The following INSYN2B variants were observed in gnomAD, a reference collection of about 807,000 sequenced individuals.
The protein encoded by INSYN2B is inhibitory synaptic factor family member 2B.
INSYN2B carries 16 observed loss-of-function variants against 41.2 expected under a neutral mutation model. That is an observed-to-expected ratio of 0.39 (90% CI 0.26 to 0.59). The LOEUF (loss-of-function observed/expected upper bound fraction) is 0.59, where lower values mean the gene tolerates loss of function less well. INSYN2B is among the 20% of genes least tolerant of loss of function. INSYN2B has a pLI of 0.57. For missense variants in INSYN2B, 608 were observed against 646.4 expected (o/e 0.94, Z 0.64); for synonymous variants, 245 against 244.4 (o/e 1.00, Z -0.02).
chr5:169,880,669 T>C (rs888297131), intron 3 of INSYN2B, among the ~76,000 whole-genome samples: 2 of 152,176 alleles, frequency 1.3e-5, no homozygotes, highest in Non-Finnish European at 2.9e-5. Flanking sequence ...ATTATTTCAT[T>C]TGGTCTTCAT....
rs1330541437 is a variant in INSYN2B at position 169,884,387 on chromosome 5, G to A, written c.-489C>T. ...TGTTTCCCAGAGCATTAATTTCCAG[G>A]GTGAAACTGCAGGAAACTTAAATGC... On this transcript the variant is annotated 5_prime_UTR_variant, in exon 2 of 4. Transcript: ENST00000377365. The A allele has an allele frequency of 6.5e-6, 1 of 152,678 alleles. No homozygotes were observed. Among genetic ancestry groups the A allele is most frequent in the East Asian group, 1.9e-4 (1 of 5,184 alleles). The allele number at this position is 152,678 out of a possible 1,614,324, so 9.5% of individuals were successfully genotyped here.
chr5:169,926,886 G>GA (rs1456434344), intron 1 of INSYN2B, among the ~76,000 whole-genome samples: 1 of 152,160 alleles, frequency 6.6e-6, no homozygotes, highest in African/African-American at 2.4e-5. Flanking sequence ...ACCAGTACAT[G>GA]AAAAATAATT....
chr5:169,871,490 A>T (rs990640347), intron 3 of INSYN2B, among the ~76,000 whole-genome samples: 16 of 152,210 alleles, frequency 1.1e-4, no homozygotes, highest in African/African-American at 3.4e-4. Context: ...TCACAATCCC[A>T]TGGGATAAAT....
intron 1 of INSYN2B, among the ~76,000 whole-genome samples, chr5:169,957,715 CT>C (rs1454826649): frequency 6.6e-6 from 1 of 152,296 alleles, no homozygotes; most frequent in Non-Finnish European, 1.5e-5. Flanking sequence ...AGTACCCTGG[CT>C]TTGTGGGGTG....
intron 3 of INSYN2B, 74 bp from the exon 4 acceptor site, chr5:169,864,533 A>G: frequency 8.6e-7 from 1 of 1,158,758 alleles, no homozygotes; most frequent in Non-Finnish European, 1.2e-6. Flanking sequence ...TCTCAGCCCC[A>G]ACTAATATGG....
At chr5:169,908,361 A>AT (rs1774405727) in intron 1 of INSYN2B, among the ~76,000 whole-genome samples, 1 of 152,148 alleles carries the variant, frequency 6.6e-6, no homozygotes, top group African/African-American at 2.4e-5. Flanking sequence ...GATTACTCAC[A>AT]TGCATATAGG....
At chr5:169,881,587 A>C in intron 2 of INSYN2B, 145 bp from the exon 3 acceptor site, 1 of 655,412 alleles carries the variant, frequency 1.5e-6, no homozygotes, top group Non-Finnish European at 2.8e-6. Context: ...AGGAAACAAG[A>C]ATGTCACGAC....
rs1338494606 is a variant in INSYN2B, at chr5:169,884,488, C to T, written c.-590G>A. The T allele has an allele frequency of 6.6e-6, 1 of 152,230 alleles. No homozygotes were observed. The highest frequency in any genetic ancestry group is 1.9e-4 in the East Asian group (1 of 5,196). The allele number at this position is 152,230 out of a possible 1,614,324, so 9.4% of individuals were successfully genotyped here. On this transcript the variant is annotated 5_prime_UTR_variant, in exon 2 of 4. Coordinates refer to ENST00000377365, the MANE Select transcript of INSYN2B (RefSeq NM_001129891.3). ...TTTGCTTGTTTGATGATACATGATG[C>T]TCCCAAGGGAACATTCCCATTTATG...
At chr5:169,977,002 T>C (rs1250087590) in intron 1 of INSYN2B, among the ~76,000 whole-genome samples, 1 of 152,218 alleles carries the variant, frequency 6.6e-6, no homozygotes, top group Non-Finnish European at 1.5e-5. Flanking sequence ...CACAGCAGGA[T>C]GTCCTGGGTA....
chr5:169,907,038 T>C (rs1426374892), intron 1 of INSYN2B, among the ~76,000 whole-genome samples: 4 of 152,160 alleles, frequency 2.6e-5, no homozygotes, highest in African/African-American at 7.2e-5. Context: ...CTCACTGAGC[T>C]TATGGTCTGT....
chr5:169,917,635 T>C (rs572354734), intron 1 of INSYN2B, among the ~76,000 whole-genome samples: 8 of 152,258 alleles, frequency 5.3e-5, no homozygotes, highest in African/African-American at 1.9e-4. Context: ...TGCGAAACAC[T>C]AGAAAGTCCC....
In INSYN2B at chr5:169,962,997, G is replaced by A. The variant is rs538609780; in HGVS notation, c.-919+17280C>T. 3.9e-5 allele frequency among the ~76,000 whole-genome samples: 6 copies of A among 152,280 alleles called. No individual in the cohort carries two copies. The South Asian group carries it at 1.2e-3, about 32-fold the overall frequency. Reference sequence around the variant, plus strand: ...AGCTCTAGCTGGGCTAAGGCCAAGGGTGGAAGAATTGACATTTTGATGCTT... The same window carrying A: ...AGCTCTAGCTGGGCTAAGGCCAAGGATGGAAGAATTGACATTTTGATGCTT... On this transcript the variant is annotated intron_variant, in intron 1 of 3. Transcript: ENST00000377365.
intron 3 of INSYN2B, among the ~76,000 whole-genome samples, chr5:169,866,401 A>G (rs1039818295): frequency 6.6e-6 from 1 of 152,236 alleles, no homozygotes; most frequent in Non-Finnish European, 1.5e-5. Flanking sequence ...CTTCCAGGCT[A>G]TGGTGTCCTC....
chr5:169,976,587 GA>G (rs1210350379), intron 1 of INSYN2B, among the ~76,000 whole-genome samples: 3 of 151,638 alleles, frequency 2.0e-5, no homozygotes, highest in Non-Finnish European at 4.4e-5. Context: ...ATCTCAAAAA[GA>G]AAAAAAAGAA....
intron 1 of INSYN2B, among the ~76,000 whole-genome samples, chr5:169,975,044 G>C (rs887268057): frequency 6.6e-5 from 10 of 152,146 alleles, no homozygotes; most frequent in African/African-American, 2.2e-4. Flanking sequence ...GCATGACAGG[G>C]AGATGAGCCC....
At position 169,881,280 on chromosome 5, in the gene INSYN2B, A is replaced by T; in HGVS notation, c.1421+88T>A. On this transcript the variant is annotated intron_variant, in intron 3 of 3. Coordinates refer to ENST00000377365, the MANE Select transcript of INSYN2B (RefSeq NM_001129891.3). Reference sequence around the variant, plus strand: ...AAATACCTTGTTTTTGCCTCTCTTGACTTTTTGCATTTAAAAGTTTGCTAG... The same window carrying T: ...AAATACCTTGTTTTTGCCTCTCTTGTCTTTTTGCATTTAAAAGTTTGCTAG... 4 of 1,116,388 alleles carry T rather than the reference A, an allele frequency of 3.6e-6. No homozygotes were observed. In the Admixed American group the frequency reaches 6.5e-5, roughly 18 times the overall value. The allele number at this position is 1,116,388 out of a possible 1,614,324, so 69.2% of individuals were successfully genotyped here.
In INSYN2B at chr5:169,882,545, C is replaced by A; in HGVS notation, c.1346+8G>T. ...GTCATTTTTAATATGAAAAAAAAAT[C>A]TCCTTACCCTTCAGTGAGAGCTCGA... is the stretch of plus-strand genomic sequence containing the variant. On this transcript the variant is annotated splice_region_variant and intron_variant, in intron 2 of 3. Coordinates refer to ENST00000377365, the MANE Select transcript of INSYN2B (RefSeq NM_001129891.3). 1 of 1,529,946 alleles carries A rather than the reference C, an allele frequency of 6.5e-7. No homozygotes were observed. Among genetic ancestry groups the A allele is most frequent in the East Asian group, 2.5e-5 (1 of 40,478 alleles). The allele number at this position is 1,529,946 out of a possible 1,614,324, so 94.8% of individuals were successfully genotyped here.
chr5:169,964,723 A>G (rs1358304089), intron 1 of INSYN2B, among the ~76,000 whole-genome samples: 3 of 152,244 alleles, frequency 2.0e-5, no homozygotes, highest in Non-Finnish European at 4.4e-5. Context: ...TATTGGTGCC[A>G]TGTAGTAGCT....
At chr5:169,909,094 G>C (rs978425520) in intron 1 of INSYN2B, among the ~76,000 whole-genome samples, 6 of 152,196 alleles carry the variant, frequency 3.9e-5, no homozygotes, top group Admixed American at 3.9e-4. Context: ...CTGATGTGAG[G>C]AGAGTCTGTG....
Sources: gnomAD v4.1 joint callset for allele counts (sites outside exome capture counted in the v4.1 genomes callset) on GRCh38, gnomAD v4.1.1 for gene constraint, MANE v1.5 for transcripts, NCBI Gene and HGNC (gene_info 2026-07-23, HGNC 2026-07-21) for gene names.